The following FBXL17 variants were observed in gnomAD, a reference collection of about 807,000 sequenced individuals.
FBXL17 encodes F-box and leucine rich repeat protein 17, also known as F-box/LRR-repeat protein 17.
A neutral mutation model predicts 66.2 loss-of-function variants in FBXL17; 22 were observed. The observed-to-expected ratio is 0.33, with a 90% confidence interval of 0.24 to 0.47. The LOEUF (loss-of-function observed/expected upper bound fraction) is 0.47, where lower values mean the gene tolerates loss of function less well. Ranked by LOEUF, FBXL17 falls within the 20% of genes least tolerant of loss-of-function variation. The pLI, the probability that FBXL17 is intolerant of heterozygous loss-of-function variation, is 1.00. For synonymous variants in FBXL17, 474 were observed against 400.5 expected (o/e 1.18, Z -2.19); for missense variants, 878 against 948.2 (o/e 0.93, Z 0.97).
chr5:108,361,756 G>C (rs1045711338), intron 3 of FBXL17, among the ~76,000 whole-genome samples: 11 of 152,014 alleles, frequency 7.2e-5, no homozygotes, highest in Admixed American at 7.2e-4. Flanking sequence ...CCCTGACTGG[G>C]TTCTAAATTA....
At chr5:107,958,179 A>C (rs1751740797) in intron 7 of FBXL17, among the ~76,000 whole-genome samples, 1 of 152,018 alleles carries the variant, frequency 6.6e-6, no homozygotes, top group Admixed American at 6.6e-5. Flanking sequence ...AAAAGGAGAA[A>C]AGATAGCCCA....
intron 4 of FBXL17, among the ~76,000 whole-genome samples, chr5:108,336,159 A>T (rs2150247841): frequency 6.6e-6 from 1 of 152,292 alleles, no homozygotes. Flanking sequence ...TTATGAAACT[A>T]GAAACTAAAA....
chr5:108,131,743 T>G (rs921404789), intron 6 of FBXL17, among the ~76,000 whole-genome samples: 1 of 152,136 alleles, frequency 6.6e-6, no homozygotes, highest in Non-Finnish European at 1.5e-5. Context: ...ATTATATGGC[T>G]ACAGTAATTA....
In FBXL17 at chr5:108,380,774, G is replaced by A. The variant is rs1749797131; in HGVS notation, c.918C>T (p.Asn306=). The change falls in exon 1 of 9, where the codon AAC becomes AAT. Residue 306 remains asparagine (N), a synonymous_variant. Coordinates refer to ENST00000542267, the MANE Select transcript of FBXL17 (RefSeq NM_001163315.3). Reference sequence around the variant, plus strand: ...GCGGCTCCCTGTGACAGTCGCAGGGGTTTTCGGGGGACTCCCGACAGTCCG... The same window carrying A: ...GCGGCTCCCTGTGACAGTCGCAGGGATTTTCGGGGGACTCCCGACAGTCCG... ...GDADCRESPE[N]PCDCHREPPP... is the part of the protein sequence containing the mutation. 2 of 1,248,408 alleles carry A rather than the reference G, an allele frequency of 1.6e-6. No individual in the cohort carries two copies. The highest frequency in any genetic ancestry group is 2.0e-6 in the Non-Finnish European group (2 of 988,406). The allele number at this position is 1,248,408 out of a possible 1,614,324, so 77.3% of individuals were successfully genotyped here. A position where few individuals can be genotyped will look rare whatever the true frequency, so the allele number is the denominator to read the frequency against.
At chr5:108,105,431 A>T (rs1164197357) in intron 6 of FBXL17, among the ~76,000 whole-genome samples, 1 of 152,222 alleles carries the variant, frequency 6.6e-6, no homozygotes, top group Non-Finnish European at 1.5e-5. Flanking sequence ...AAACCAGTGA[A>T]GGCTTTGGCC....
chr5:107,895,573 ACAAGCAT>A (rs1434684141), intron 7 of FBXL17, among the ~76,000 whole-genome samples: 4 of 152,146 alleles, frequency 2.6e-5, no homozygotes, highest in African/African-American at 9.7e-5. Context: ...CACAAGATCC[ACAAGCAT>A]CACTCCTGTT....
chr5:108,376,208 A>C (rs776477280), intron 1 of FBXL17, among the ~76,000 whole-genome samples: 8 of 152,190 alleles, frequency 5.3e-5, no homozygotes, highest in Admixed American at 4.6e-4. Flanking sequence ...TTTCCCCAAA[A>C]TCAGAAACAA....
chr5:108,289,458 A>T (rs1758024895), intron 4 of FBXL17, among the ~76,000 whole-genome samples: 1 of 152,100 alleles, frequency 6.6e-6, no homozygotes, highest in Non-Finnish European at 1.5e-5. Flanking sequence ...ATATGTAAAG[A>T]AGTATCAGTT....
chr5:108,093,458 T>C (rs1336826956), intron 6 of FBXL17, among the ~76,000 whole-genome samples: 1 of 152,140 alleles, frequency 6.6e-6, no homozygotes, highest in African/African-American at 2.4e-5. Flanking sequence ...ATGTGGAGCA[T>C]TAAAACGATT....
At chr5:107,893,665 A>C (rs1004107263) in intron 7 of FBXL17, among the ~76,000 whole-genome samples, 1 of 152,100 alleles carries the variant, frequency 6.6e-6, no homozygotes, top group African/African-American at 2.4e-5. Context: ...ATTTTTTCTT[A>C]AATGTCACCA....
chr5:108,159,941 A>G (rs1468301169), intron 6 of FBXL17, among the ~76,000 whole-genome samples: 1 of 152,170 alleles, frequency 6.6e-6, no homozygotes, highest in East Asian at 1.9e-4. Flanking sequence ...GTAAAAATTT[A>G]TACACTTTCT....
At chr5:108,284,191 C>T (rs570672474) in intron 4 of FBXL17, among the ~76,000 whole-genome samples, 80 of 151,918 alleles carry the variant, frequency 5.3e-4, no homozygotes, top group African/African-American at 1.7e-3. Flanking sequence ...TGGGCATCTA[C>T]GCAAAGGAAA....
At chr5:107,992,373 A>G (rs1231383403) in intron 7 of FBXL17, among the ~76,000 whole-genome samples, 1 of 152,170 alleles carries the variant, frequency 6.6e-6, no homozygotes, top group Non-Finnish European at 1.5e-5. Context: ...AATTTGGTGT[A>G]GCAGAAGAAA....
At chr5:108,014,470 T>C (rs1040786531) in intron 7 of FBXL17, among the ~76,000 whole-genome samples, 5 of 152,090 alleles carry the variant, frequency 3.3e-5, no homozygotes, top group African/African-American at 1.2e-4. Context: ...TTTGAATTGG[T>C]TGTGGTGGTA....
At chr5:108,121,563 A>ATT (rs780654824) in intron 6 of FBXL17, among the ~76,000 whole-genome samples, 3 of 146,782 alleles carry the variant, frequency 2.0e-5, no homozygotes, top group Admixed American at 1.4e-4. Context: ...TATATTTACA[A>ATT]TTTTTTTTTT....
intron 6 of FBXL17, among the ~76,000 whole-genome samples, chr5:108,052,710 T>C (rs1178720767): frequency 1.3e-5 from 2 of 152,314 alleles, no homozygotes; most frequent in East Asian, 1.9e-4. Flanking sequence ...AAATTTCATA[T>C]GGAATTAAAG....
chr5:108,230,244 C>T (rs563150677), intron 4 of FBXL17, among the ~76,000 whole-genome samples: 1 of 152,216 alleles, frequency 6.6e-6, no homozygotes, highest in Admixed American at 6.5e-5. Context: ...GAAAAGAAGT[C>T]ATTATATGAA....
rs571148951 is a variant in FBXL17, at chr5:108,053,578, A to C, written c.1746-32577T>G. ...CCACAATGAGATACCATCTCATGCC[A>C]GTCAGAATGGCAATTATTAAAGTCA... On this transcript the variant is annotated intron_variant, in intron 6 of 8. Transcript: ENST00000542267. Among the ~76,000 whole-genome samples the C allele has an allele frequency of 1.7e-4, 26 of 152,306 alleles. 1 individual carries two copies. Among genetic ancestry groups the C allele is most frequent in the African/African-American group, 6.3e-4 (26 of 41,580 alleles).
At chr5:108,157,442 C>A (rs528071129) in intron 6 of FBXL17, among the ~76,000 whole-genome samples, 6 of 151,580 alleles carry the variant, frequency 4.0e-5, no homozygotes, top group Non-Finnish European at 7.4e-5. Flanking sequence ...CAGGAAGGTT[C>A]GTTTTTTTAA....
Sources: allele counts gnomAD v4.1 joint callset (sites outside exome capture counted in the v4.1 genomes callset), GRCh38; gene constraint gnomAD v4.1.1; transcripts MANE v1.5; gene names NCBI Gene and HGNC (gene_info 2026-07-23, HGNC 2026-07-21).